DLGAP2: variants seen among roughly 807,000 people sequenced by gnomAD.
DLGAP2 encodes disks large-associated protein 2.
Under a neutral mutation model 100.3 loss-of-function variants are expected in DLGAP2, and 26 were observed. The observed-to-expected ratio is 0.26, with a 90% CI of 0.19 to 0.36. The LOEUF (loss-of-function observed/expected upper bound fraction) is 0.36, where lower values mean the gene tolerates loss of function less well. Among genes scored for constraint, DLGAP2 ranks in the 10% least tolerant of loss-of-function variants. The probability of loss-of-function intolerance (pLI) is 1.00; values close to 1 mark genes in which losing one functional copy is unlikely to be tolerated. For missense variants in DLGAP2, 1,858 were observed against 1,453.2 expected, an observed-to-expected ratio of 1.28 and a Z score of -4.53; for synonymous variants, 886 against 630.1, an observed-to-expected ratio of 1.41 and a Z score of -6.08.
At chr8:1,322,399 G>C (rs962623279) in intron 3 of DLGAP2, among the ~76,000 whole-genome samples, 2 of 152,218 alleles carry the variant, frequency 1.3e-5, no homozygotes, top group African/African-American at 4.8e-5. Context: ...GGAAATGCAT[G>C]TACCCACCCG....
At chr8:1,026,072 C>T (rs184354115) in intron 2 of DLGAP2, among the ~76,000 whole-genome samples, 2 of 152,328 alleles carry the variant, frequency 1.3e-5, no homozygotes, top group East Asian at 1.9e-4. Flanking sequence ...CACTTCGTCC[C>T]GGCTTCCAGG....
intron 1 of DLGAP2, among the ~76,000 whole-genome samples, chr8:857,777 C>A (rs1440060864): frequency 6.6e-6 from 1 of 152,152 alleles, no homozygotes. Flanking sequence ...TGGTTCCTTA[C>A]AACAGTGCAC....
At chr8:768,396 T>A (rs1348581214) in intron 1 of DLGAP2, among the ~76,000 whole-genome samples, 1 of 151,368 alleles carries the variant, frequency 6.6e-6, no homozygotes, top group African/African-American at 2.4e-5. Context: ...GACTTCAGCA[T>A]GAACCAGGAG....
chr8:1,245,659 G>A (rs971710411), intron 2 of DLGAP2, among the ~76,000 whole-genome samples: 1 of 152,246 alleles, frequency 6.6e-6, no homozygotes, highest in African/African-American at 2.4e-5. Context: ...TTGATTGTGG[G>A]GATGGCTGCA....
intron 4 of DLGAP2, among the ~76,000 whole-genome samples, chr8:1,548,278 G>A (rs1801610691): frequency 1.3e-5 from 2 of 151,762 alleles, no homozygotes; most frequent in South Asian, 2.1e-4. Flanking sequence ...TGACCAACAT[G>A]GCGAAACCTC....
chr8:1,609,849 A>G (rs1193418380), intron 6 of DLGAP2, among the ~76,000 whole-genome samples: 2 of 149,082 alleles, frequency 1.3e-5, no homozygotes, highest in African/African-American at 2.5e-5. Flanking sequence ...TATCCTAAAT[A>G]TATATGCACC....
chr8:1,474,555 G>A lies in DLGAP2; in HGVS notation c.107-26811G>A, dbSNP rs571196659. 2.6e-5 allele frequency among the ~76,000 whole-genome samples: 4 copies of A among 152,172 alleles called. No homozygotes were observed. In the East Asian group the frequency reaches 7.7e-4, roughly 29 times the overall value. On this transcript the variant is annotated intron_variant, in intron 3 of 14. Coordinates refer to ENST00000637795, the MANE Select transcript of DLGAP2 (RefSeq NM_001346810.2). The stretch of plus-strand genomic sequence containing the variant: ...CGCCAACATTATTTTTTGATTCTTT[G>A]ATTATGACCAATGAGTAGGCACCTC...
In DLGAP2 at chr8:1,668,605, C is replaced by T. The variant is rs201721317; in HGVS notation, c.2087C>T (p.Thr696Ile). The change falls in exon 9 of 15, where the codon ACC (threonine) becomes ATC (isoleucine). Residue 696 changes from threonine (T) to isoleucine (I), a missense_variant. Coordinates refer to ENST00000637795, the MANE Select transcript of DLGAP2 (RefSeq NM_001346810.2). ...GAGAGCCAGAGCAGCTCTGTGCGGA[C>T]CAGCGACAAGGCCATCCTGGTGTCC... Reference protein sequence around the residue: ...LPESQSSSVRTSDKAILVSKA... With the variant: ...LPESQSSSVRISDKAILVSKA... The T allele has an allele frequency of 1.9e-6, 3 of 1,600,386 alleles. No homozygotes were observed. Among genetic ancestry groups the T allele is most frequent in the Non-Finnish European group, 2.6e-6 (3 of 1,174,262 alleles).
At chr8:1,237,679 C>A in intron 2 of DLGAP2, among the ~76,000 whole-genome samples, 1 of 120,468 alleles carries the variant, frequency 8.3e-6, no homozygotes, top group East Asian at 2.8e-4. Flanking sequence ...AGTTCTCTCT[C>A]ACATGGCACC....
At chr8:847,253 G>A (rs1797088065) in intron 1 of DLGAP2, among the ~76,000 whole-genome samples, 1 of 152,168 alleles carries the variant, frequency 6.6e-6, no homozygotes, top group Admixed American at 6.5e-5. Context: ...TTAGTTTTCA[G>A]ATATACTGGC....
At chr8:888,559 G>T (rs1584864503) in intron 1 of DLGAP2, among the ~76,000 whole-genome samples, 2 of 149,662 alleles carry the variant, frequency 1.3e-5, no homozygotes, top group Admixed American at 6.7e-5. Flanking sequence ...TGGGGTTTCT[G>T]TGGGGGCCAT....
rs200257386 is a variant in DLGAP2 at position 1,624,869 on chromosome 8, G to GTCTCTCTCTCTC, written c.1443-1865_1443-1854dup. 6.7e-5 allele frequency among the ~76,000 whole-genome samples: 10 copies of GTCTCTCTCTCTC among 149,782 alleles called. No individual in the cohort carries two copies. In the East Asian group the frequency reaches 1.8e-3, roughly 27 times the overall value. ...TTTCTCTCTCTCTCTCTCTCTCTCT[G>GTCTCTCTCTCTC]TCTCTCTCTCTCTCTCTTTCCTTTT... On this transcript the variant is annotated intron_variant, in intron 6 of 14. Coordinates refer to ENST00000637795, the MANE Select transcript of DLGAP2 (RefSeq NM_001346810.2).
At chr8:1,277,013 T>G (rs146066427) in intron 3 of DLGAP2, among the ~76,000 whole-genome samples, 146 of 152,308 alleles carry the variant, frequency 9.6e-4, no homozygotes, top group African/African-American at 3.4e-3. Flanking sequence ...CCACTGTGAT[T>G]TACTGAATTG....
intron 3 of DLGAP2, among the ~76,000 whole-genome samples, chr8:1,344,211 G>GGGTCTTTGTACTC (rs1801502253): frequency 3.5e-5 from 4 of 113,156 alleles, no homozygotes; most frequent in East Asian, 4.1e-4. Context: ...GCCCTGTCGT[G>GGGTCTTTGTACTC]GGGCCTGTGC....
intron 1 of DLGAP2, among the ~76,000 whole-genome samples, chr8:795,951 G>A (rs1585871644): frequency 1.5e-5 from 2 of 137,466 alleles, no homozygotes; most frequent in Admixed American, 7.2e-5. Context: ...TCCAGTGAGA[G>A]CAGGCGTCCA....
chr8:1,667,287 G>C (rs2130836167), intron 8 of DLGAP2, among the ~76,000 whole-genome samples: 1 of 152,300 alleles, frequency 6.6e-6, no homozygotes, highest in African/African-American at 2.4e-5. Context: ...ATTTTTGGTA[G>C]GTTCTAAGAG....
At chr8:1,559,085 G>A (rs1299981113) in intron 5 of DLGAP2, among the ~76,000 whole-genome samples, 3 of 152,202 alleles carry the variant, frequency 2.0e-5, no homozygotes, top group Non-Finnish European at 2.9e-5. Flanking sequence ...CCTAAAGCAA[G>A]TAACAGGAGA....
At chr8:1,112,909 A>G (rs1055120351) in intron 2 of DLGAP2, among the ~76,000 whole-genome samples, 18 of 152,176 alleles carry the variant, frequency 1.2e-4, no homozygotes, top group Admixed American at 1.3e-4. Context: ...TCCAGCTTCA[A>G]TCTTCTACGT....
chr8:1,354,290 G>C (rs931258219), intron 3 of DLGAP2, among the ~76,000 whole-genome samples: 5 of 152,206 alleles, frequency 3.3e-5, no homozygotes, highest in African/African-American at 1.2e-4. Context: ...TGGATTGCCT[G>C]AGGCCAGGAG....
Sources: allele counts gnomAD v4.1 joint callset (sites outside exome capture counted in the v4.1 genomes callset), GRCh38; gene constraint gnomAD v4.1.1; transcripts MANE v1.5; gene names NCBI Gene and HGNC (gene_info 2026-07-23, HGNC 2026-07-21).